The following TACR3 variants were observed in gnomAD, a reference collection of about 807,000 sequenced individuals.
The protein encoded by TACR3 is neuromedin-K receptor.
A neutral mutation model predicts 35.0 loss-of-function variants in TACR3; 34 were observed. That is an observed-to-expected ratio of 0.97 (90% CI 0.74 to 1.30). The LOEUF (loss-of-function observed/expected upper bound fraction) is 1.30. TACR3 is among the 50% of genes most tolerant of loss of function. The pLI is 0.00. For missense variants in TACR3, 558 were observed against 591.7 expected (o/e 0.94, Z 0.59); for synonymous variants, 233 against 221.1 (o/e 1.05, Z -0.48).
rs543666370 is a variant in TACR3, at chr4:103,596,554, AAAAAC to A, written c.889-4876_889-4872del. ...TAAAAATGGTCAGCTAGGTGTGACA[AAAAAC>A]AAAACAAAACAAAACTGCTTGTTTT... On this transcript the variant is annotated intron_variant, in intron 3 of 4. Coordinates refer to ENST00000304883, the MANE Select transcript of TACR3 (RefSeq NM_001059.3). 1.2e-3 allele frequency among the ~76,000 whole-genome samples: 184 copies of A among 152,276 alleles called. 2 individuals are homozygous for A. The highest frequency in any genetic ancestry group is 4.0e-3 in the African/African-American group (168 of 41,550).
chr4:103,697,877 C>A (rs1726384193), intron 1 of TACR3, among the ~76,000 whole-genome samples: 1 of 152,134 alleles, frequency 6.6e-6, no homozygotes, highest in African/African-American at 2.4e-5. Flanking sequence ...AAGCTAGTAT[C>A]TTTTTGTTTC....
chr4:103,600,529 C>A (rs1254663061), intron 3 of TACR3, among the ~76,000 whole-genome samples: 1 of 152,108 alleles, frequency 6.6e-6, no homozygotes, highest in Non-Finnish European at 1.5e-5. Flanking sequence ...TCTTGCTTTT[C>A]TAGTTCTTTT....
intron 1 of TACR3, among the ~76,000 whole-genome samples, chr4:103,682,184 G>C (rs1722114764): frequency 2.0e-5 from 3 of 152,068 alleles, no homozygotes; most frequent in African/African-American, 7.2e-5. Context: ...CCAGGCTGTA[G>C]TGCATTGTGC....
intron 1 of TACR3, among the ~76,000 whole-genome samples, chr4:103,694,243 T>C (rs904115196): frequency 2.7e-5 from 4 of 148,160 alleles, no homozygotes; most frequent in Non-Finnish European, 4.4e-5. Context: ...AACTGTATGC[T>C]TGTGAAGCTT....
chr4:103,653,498 A>T (rs982426347), intron 3 of TACR3, among the ~76,000 whole-genome samples: 5 of 152,170 alleles, frequency 3.3e-5, no homozygotes, highest in Non-Finnish European at 5.9e-5. Context: ...ATGTTTAAAA[A>T]AAAAGCTGAA....
Position 103,656,214 on chromosome 4 carries a change from G to C in TACR3, c.868C>G (p.Gln290Glu). ...AGTACCTTTCTTTTGGCCTTTAGCT[G>C]CTCATGATACTTGTCACAGGTATCT... ...PGDTCDKYHE[Q>E]LKAKRKVVKM... The change falls in exon 3 of 5, where the codon CAG becomes GAG. Residue 290 changes from glutamine to glutamate, a missense_variant. By Grantham distance (29) the Gln-to-Glu change is conservative. Coordinates refer to ENST00000304883, the MANE Select transcript of TACR3 (RefSeq NM_001059.3). The C allele has an allele frequency of 6.2e-7, 1 of 1,612,888 alleles. No homozygotes were observed. The highest frequency in any genetic ancestry group is 1.1e-5 in the South Asian group (1 of 91,072).
chr4:103,702,112 C>A (rs1722665289), intron 1 of TACR3, among the ~76,000 whole-genome samples: 1 of 152,124 alleles, frequency 6.6e-6, no homozygotes, highest in East Asian at 1.9e-4. Context: ...AGTGAATAGG[C>A]AACCTACAGA....
chr4:103,697,933 C>A (rs6831087), intron 1 of TACR3, among the ~76,000 whole-genome samples: 51,644 of 152,016 alleles, frequency 0.34, 13,805 homozygotes, highest in African/African-American at 0.74. Context: ...TTCATCAGCA[C>A]TTGCTCTGTG....
chr4:103,650,601 T>G (rs1171337554), intron 3 of TACR3, among the ~76,000 whole-genome samples: 1 of 102,356 alleles, frequency 9.8e-6, no homozygotes, highest in Non-Finnish European at 1.7e-5. Context: ...AAAATTTATA[T>G]AAAATATATA....
chr4:103,621,290 G>T (rs76827670), intron 3 of TACR3, among the ~76,000 whole-genome samples: 2 of 152,296 alleles, frequency 1.3e-5, no homozygotes, highest in East Asian at 3.9e-4. Context: ...GAATAGTTTC[G>T]CTGAGTGGGA....
In TACR3 at chr4:103,652,232, C is replaced by A. The variant is rs554347102; in HGVS notation, c.888+3962G>T. ...TTTAGAGTCCCAGAGGACTTTAGCC[C>A]ACTGTGGTGAGGCGTGGGAGAACTC... On this transcript the variant is annotated intron_variant, in intron 3 of 4. Coordinates refer to ENST00000304883, the MANE Select transcript of TACR3 (RefSeq NM_001059.3). Among the ~76,000 whole-genome samples, 33 of 152,238 alleles carry A rather than the reference C, an allele frequency of 2.2e-4. No individual in the cohort carries two copies. In the South Asian group the frequency reaches 6.4e-3, roughly 30 times the overall value.
In TACR3 at chr4:103,693,745, T is replaced by C. The variant is rs138536102; in HGVS notation, c.548+25383A>G. Among the ~76,000 whole-genome samples, 38 of 152,188 alleles carry C rather than the reference T, an allele frequency of 2.5e-4. 2 individuals are homozygous for C. In the East Asian group the frequency reaches 7.2e-3, roughly 29 times the overall value. On this transcript the variant is annotated intron_variant, in intron 1 of 4. Transcript: ENST00000304883. ...TGCTTAATATAATGCTTTAGTTATA[T>C]AGTCTTATATAGTCAGATTAATCAA...
chr4:103,678,177 G>C (rs1042505870), intron 1 of TACR3, among the ~76,000 whole-genome samples: 8 of 152,042 alleles, frequency 5.3e-5, no homozygotes, highest in African/African-American at 1.7e-4. Context: ...GTGACTCTTG[G>C]AGACTTTGTA....
At chr4:103,682,095 C>G (rs77013281) in intron 1 of TACR3, among the ~76,000 whole-genome samples, 4,829 of 152,148 alleles carry the variant, frequency 0.032, 267 homozygotes, top group African/African-American at 0.11. Flanking sequence ...TATTCACCCA[C>G]TCTTATTCTG....
Position 103,679,479 on chromosome 4 carries a change from T to C in TACR3, c.549-21076A>G, listed in dbSNP as rs546120778. Among the ~76,000 whole-genome samples, 42 of 152,134 alleles carry C rather than the reference T, an allele frequency of 2.8e-4. No individual in the cohort carries two copies. The South Asian group carries it at 8.3e-3, about 30-fold the overall frequency. On this transcript the variant is annotated intron_variant, in intron 1 of 4. Coordinates refer to ENST00000304883, the MANE Select transcript of TACR3 (RefSeq NM_001059.3). ...AATATTTGAAGTAGTAGTAGTACTT[T>C]TGGTTTTCCTGAAACGGGTGCAAAG...
At chr4:103,628,039 A>G (rs151166546) in intron 3 of TACR3, among the ~76,000 whole-genome samples, 2 of 152,302 alleles carry the variant, frequency 1.3e-5, no homozygotes, top group African/African-American at 2.4e-5. Context: ...TTGCTCCCGA[A>G]TGACTACTGG....
At chr4:103,600,007 T>C (rs889256708) in intron 3 of TACR3, among the ~76,000 whole-genome samples, 4 of 152,268 alleles carry the variant, frequency 2.6e-5, no homozygotes, top group Admixed American at 1.3e-4. Context: ...TTTCTATTGA[T>C]TGGAATAGTT....
intron 3 of TACR3, among the ~76,000 whole-genome samples, chr4:103,629,888 AAC>A (rs774764026): frequency 4.1e-5 from 5 of 122,682 alleles, no homozygotes; most frequent in African/African-American, 6.2e-5. Context: ...AAACAACAAC[AAC>A]AACAAAAAAA....
rs1164167620 is a variant in TACR3, at chr4:103,589,875, G to C, written c.1205C>G (p.Thr402Ser). 6.2e-7 allele frequency: 1 copy of C among 1,613,992 alleles called. No homozygotes were observed. The highest frequency in any genetic ancestry group is 2.2e-5 in the East Asian group (1 of 44,876). Residue 402 changes from threonine to serine, a missense_variant, in exon 5 of 5, where the codon ACC (threonine) becomes AGC (serine). Coordinates refer to ENST00000304883, the MANE Select transcript of TACR3 (RefSeq NM_001059.3). The stretch of plus-strand genomic sequence containing the variant: ...TGTCATGGACTCCATTCTGGTCACG[G>C]TGTACATACTGCTTTGCCGGTTTGG... ...FHPNRQSSMY[T>S]VTRMESMTVV...
Sources: gnomAD v4.1 joint callset for allele counts (sites outside exome capture counted in the v4.1 genomes callset) on GRCh38, gnomAD v4.1.1 for gene constraint, MANE v1.5 for transcripts, NCBI Gene and HGNC (gene_info 2026-07-23, HGNC 2026-07-21) for gene names.